EPB41L4A: variants seen among roughly 807,000 people sequenced by gnomAD.
The protein encoded by EPB41L4A is erythrocyte membrane protein band 4.1 like 4A.
Under a neutral mutation model 108.6 loss-of-function variants are expected in EPB41L4A, and 100 were observed. That is an observed-to-expected ratio of 0.92 (90% CI 0.78 to 1.09). The LOEUF (loss-of-function observed/expected upper bound fraction) is 1.09. EPB41L4A is among the 50% of genes least tolerant of loss of function. The pLI, the probability that EPB41L4A is intolerant of heterozygous loss-of-function variation, is 0.00. For synonymous variants in EPB41L4A, 319 were observed against 289.0 expected (o/e 1.10, Z -1.05); for missense variants, 1,030 against 842.7 (o/e 1.22, Z -2.75).
At chr5:112,369,219 T>G (rs55904015) in intron 1 of EPB41L4A, among the ~76,000 whole-genome samples, 10 of 152,302 alleles carry the variant, frequency 6.6e-5, no homozygotes, top group Non-Finnish European at 7.4e-5. Flanking sequence ...TTTTACCTCC[T>G]AAATGCTTTT....
chr5:112,212,218 C>T (rs143906212), intron 12 of EPB41L4A, among the ~76,000 whole-genome samples: 3 of 151,916 alleles, frequency 2.0e-5, no homozygotes, highest in Non-Finnish European at 4.4e-5. Context: ...ATGTGGTACA[C>T]GTCTGGGGCA....
rs1461513463 is a variant in EPB41L4A, at chr5:112,169,069, A to T, written c.1776T>A (p.His592Gln). The T allele has an allele frequency of 6.2e-7, 1 of 1,614,142 alleles. No homozygotes were observed. The highest frequency in any genetic ancestry group is 8.5e-7 in the Non-Finnish European group (1 of 1,180,000). Reference sequence around the variant, plus strand: ...GATACTGGCGGTAACTTCGTGGCGAATGAGAATGCCTGATGCGGATTGGGT... The same window carrying T: ...GATACTGGCGGTAACTTCGTGGCGATTGAGAATGCCTGATGCGGATTGGGT... ...QGDPIRIRHSHSPRSYRQYRR... is the reference protein window; with the variant it reads ...QGDPIRIRHSQSPRSYRQYRR... The change falls in exon 21 of 23, where the codon CAT becomes CAA. Residue 592 changes from histidine to glutamine, a missense_variant. Physicochemically the swap from His to Gln is conservative, Grantham distance 24. Coordinates refer to ENST00000261486, the MANE Select transcript of EPB41L4A (RefSeq NM_022140.5).
chr5:112,287,436 A>G (rs1580612445), intron 2 of EPB41L4A, among the ~76,000 whole-genome samples: 1 of 151,886 alleles, frequency 6.6e-6, no homozygotes. Context: ...AATTCTCACC[A>G]CTCTCAGGTC....
At chr5:112,345,188 A>G (rs371484344) in intron 1 of EPB41L4A, among the ~76,000 whole-genome samples, 1 of 152,196 alleles carries the variant, frequency 6.6e-6, no homozygotes, top group African/African-American at 2.4e-5. Context: ...TTGGCCCCCA[A>G]GCATAGATTC....
chr5:112,158,658 CG>C (rs1759734008), downstream of EPB41L4A, among the ~76,000 whole-genome samples: 1 of 152,058 alleles, frequency 6.6e-6, no homozygotes, highest in Non-Finnish European at 1.5e-5. Context: ...ACAATCATAG[CG>C]GAAGGGGAAG....
At chr5:112,207,739 C>G (rs1004893584) in intron 13 of EPB41L4A, among the ~76,000 whole-genome samples, 1 of 152,046 alleles carries the variant, frequency 6.6e-6, no homozygotes, top group African/African-American at 2.4e-5. Flanking sequence ...TCTCCCCAGT[C>G]AGAATACCTA....
intron 8 of EPB41L4A, 75 bp from the exon 9 acceptor site, chr5:112,259,367 G>T: frequency 1.6e-6 from 2 of 1,215,020 alleles, no homozygotes; most frequent in Non-Finnish European, 1.2e-6. Context: ...AGTATCCAGT[G>T]GAAAAAGACT....
intron 12 of EPB41L4A, among the ~76,000 whole-genome samples, chr5:112,216,354 G>C (rs1056209305): frequency 6.6e-6 from 1 of 152,162 alleles, no homozygotes; most frequent in Non-Finnish European, 1.5e-5. Context: ...TCAAATCTTT[G>C]ATGTTACTTA....
intron 1 of EPB41L4A, among the ~76,000 whole-genome samples, chr5:112,417,376 CTT>C (rs1029202691): frequency 4.6e-5 from 7 of 152,182 alleles, no homozygotes; most frequent in African/African-American, 1.4e-4. Context: ...ATAATTTAGA[CTT>C]TGCACTTCAA....
At chr5:112,301,453 T>C (rs935984928) in intron 2 of EPB41L4A, among the ~76,000 whole-genome samples, 1 of 152,174 alleles carries the variant, frequency 6.6e-6, no homozygotes, top group Non-Finnish European at 1.5e-5. Flanking sequence ...GCTACCAGAC[T>C]CCAGGCTGGT....
Position 112,153,461 on chromosome 5 carries a change from G to A in EPB41L4A, n.994+4940C>T, listed in dbSNP as rs539373011. 1.9e-3 allele frequency among the ~76,000 whole-genome samples: 288 copies of A among 151,256 alleles called. 1 individual carries two copies. The highest frequency in any genetic ancestry group is 6.3e-3 in the African/African-American group (261 of 41,272). On this transcript the variant is annotated intron_variant and non_coding_transcript_variant, in intron 12 of 13. Coordinates refer to the EPB41L4A transcript ENST00000507810. ...GGAGAATTGCTTGAACCTGGGAGGC[G>A]GAGGTTGCAGTGAGCCAAGATAGCG...
At chr5:112,158,416 C>T (rs764376042), downstream of EPB41L4A, 14 of 435,940 alleles carry the variant, frequency 3.2e-5, no homozygotes, top group South Asian at 2.4e-4. Flanking sequence ...AATGAGGAAA[C>T]TCAGGCTCAC....
chr5:112,210,079 C>T (rs1762662975), intron 12 of EPB41L4A, 97 bp from the exon 13 acceptor site: 1 of 662,626 alleles, frequency 1.5e-6, no homozygotes, highest in Non-Finnish European at 2.6e-6. Flanking sequence ...ATTTTAGGGA[C>T]ACTGTGGCAC....
chr5:112,296,247 CCTT>C (rs1197568879), intron 2 of EPB41L4A, among the ~76,000 whole-genome samples: 1 of 151,956 alleles, frequency 6.6e-6, no homozygotes, highest in East Asian at 1.9e-4. Flanking sequence ...TTTCTAAATC[CCTT>C]CTATTTTTTA....
intron 12 of EPB41L4A, among the ~76,000 whole-genome samples, chr5:112,156,198 T>C (rs1408609882): frequency 6.6e-6 from 1 of 152,036 alleles, no homozygotes; most frequent in South Asian, 2.1e-4. Flanking sequence ...AAAAAACTAT[T>C]AGCAATGTAG....
At chr5:112,269,532 C>T (rs6594582) in intron 4 of EPB41L4A, among the ~76,000 whole-genome samples, 145,909 of 152,162 alleles carry the variant, frequency 0.96, 70,262 homozygotes, top group East Asian at 1. Flanking sequence ...TTCTGTGTCA[C>T]TCTGATTAAA....
At chr5:112,235,580 G>A (rs1379630826) in intron 11 of EPB41L4A, among the ~76,000 whole-genome samples, 1 of 152,096 alleles carries the variant, frequency 6.6e-6, no homozygotes, top group African/African-American at 2.4e-5. Context: ...GTCTTTTAAT[G>A]GCCCCAAATC....
chr5:112,371,725 T>A (rs6865715), intron 1 of EPB41L4A, among the ~76,000 whole-genome samples: 8,441 of 152,174 alleles, frequency 0.055, 494 homozygotes, highest in African/African-American at 0.14. Context: ...TCTCATTGTT[T>A]ATTTACCAGC....
At chr5:112,386,211 T>A (rs1007837529) in intron 1 of EPB41L4A, among the ~76,000 whole-genome samples, 2 of 152,190 alleles carry the variant, frequency 1.3e-5, no homozygotes, top group African/African-American at 4.8e-5. Context: ...CCTGGAAATG[T>A]ACAGTGAAGA....
Sources: allele counts gnomAD v4.1 joint callset (sites outside exome capture counted in the v4.1 genomes callset), GRCh38; gene constraint gnomAD v4.1.1; transcripts MANE v1.5; gene names NCBI Gene and HGNC (gene_info 2026-07-23, HGNC 2026-07-21).